Variants in GRIPAP1 observed in about 807,000 individuals in gnomAD.
The protein encoded by GRIPAP1 is GRIP1-associated protein 1.
In GRIPAP1, 14 loss-of-function variants were observed where a neutral mutation model predicts 84.1. The observed-to-expected ratio is 0.17, with a 90% confidence interval of 0.11 to 0.26. The LOEUF is 0.26. Among genes scored for constraint, GRIPAP1 ranks in the 10% least tolerant of loss-of-function variants. The probability of loss-of-function intolerance (pLI) is 1.00; values close to 1 mark genes in which losing one functional copy is unlikely to be tolerated. For synonymous variants in GRIPAP1, 261 were observed against 256.8 expected (o/e 1.02, Z -0.15); for missense variants, 518 against 674.2 (o/e 0.77, Z 2.57).
In GRIPAP1 at chrX:48,987,862, C is replaced by T; in HGVS notation, c.964G>A (p.Ala322Thr). 1 of 1,199,585 alleles carries T rather than the reference C, an allele frequency of 8.3e-7. No homozygotes were observed. Among genetic ancestry groups the T allele is most frequent in the Non-Finnish European group, 1.1e-6 (1 of 886,517 alleles). ...ALQDQVSIQS[A>T]DAQEQVEGLL... ...CCTTCCACTTGTTCCTGTGCATCTG[C>T]ACTCTGGATGGATACCTGGCCCCAC... Residue 322 changes from alanine to threonine, a missense_variant, in exon 13 of 26, where the codon GCA becomes ACA. Coordinates refer to ENST00000376423, the MANE Select transcript of GRIPAP1 (RefSeq NM_020137.5).
Position 48,994,937 on chromosome X carries a change from G to A in GRIPAP1, c.307-1359C>T, listed in dbSNP as rs955776475. ...GGCACACAGTAAGCACCATATAAATGTCAGCTATCACTACTAGTATTATTT... is the reference window on the plus strand; with the variant it reads ...GGCACACAGTAAGCACCATATAAATATCAGCTATCACTACTAGTATTATTT... On this transcript the variant is annotated intron_variant, in intron 5 of 25. Transcript: ENST00000376423. 5.4e-5 allele frequency among the ~76,000 whole-genome samples: 6 copies of A among 111,826 alleles called. No homozygotes were observed. In the Admixed American group the frequency reaches 5.7e-4, roughly 11 times the overall value.
chrX:48,979,886 T>C (rs1557061604), intron 21 of GRIPAP1, among the ~76,000 whole-genome samples: 1 of 111,378 alleles, frequency 9.0e-6, no homozygotes, highest in African/African-American at 3.3e-5. Flanking sequence ...AGTGCTGGGA[T>C]TACACCTTTC....
chrX:49,001,365 C>A (rs1265555892), intron 1 of GRIPAP1, among the ~76,000 whole-genome samples: 1 of 103,627 alleles, frequency 9.6e-6, no homozygotes, highest in East Asian at 3.1e-4. Context: ...GACCCCCCCC[C>A]CAGTGAGGAA....
chrX:48,981,361 T>C (rs1557062086), intron 20 of GRIPAP1, 47 bp from the exon 21 acceptor site: 2 of 1,198,940 alleles, frequency 1.7e-6, no homozygotes, highest in East Asian at 3.0e-5. Flanking sequence ...AGTGGGCCCA[T>C]AGGAGGGAGG....
At chrX:48,978,000 C>A in intron 22 of GRIPAP1, 1 of 209,688 alleles carries the variant, frequency 4.8e-6, no homozygotes. Flanking sequence ...GTGATCATTA[C>A]AAGTTGGAAA....
Position 48,997,355 on chromosome X carries a change from T to C in GRIPAP1, c.201A>G (p.Glu67=). Reference sequence around the variant, plus strand: ...CATTTTCACTCAGCAATACCTCGACTTCCTGCAGTGGCAGACAAGGGCCAG... The same window carrying C: ...CATTTTCACTCAGCAATACCTCGACCTCCTGCAGTGGCAGACAAGGGCCAG... ...KALSKSKKAQ[E]VEVLLSENEM... is the part of the protein sequence containing the mutation. The change falls in exon 5 of 26, where the codon GAA becomes GAG. Residue 67 remains glutamate, a splice_region_variant and synonymous_variant. Coordinates refer to ENST00000376423, the MANE Select transcript of GRIPAP1 (RefSeq NM_020137.5). The C allele has an allele frequency of 9.0e-7, 1 of 1,105,377 alleles. No homozygotes were observed. The highest frequency in any genetic ancestry group is 1.9e-5 in the South Asian group (1 of 51,964). 91.1% of individuals were successfully genotyped at this position (1,105,377 alleles called of 1,213,427 possible). A position where few individuals can be genotyped will look rare whatever the true frequency, so the allele number is the denominator to read the frequency against.
chrX:48,984,630 G>A (rs1328162953), intron 14 of GRIPAP1, among the ~76,000 whole-genome samples: 2 of 102,316 alleles, frequency 2.0e-5, no homozygotes, highest in East Asian at 3.0e-4. Context: ...CAGGAGAATC[G>A]CTTGAACCCA....
intron 21 of GRIPAP1, among the ~76,000 whole-genome samples, chrX:48,979,867 GC>G (rs782269950): frequency 9.0e-6 from 1 of 110,894 alleles, no homozygotes; most frequent in African/African-American, 3.3e-5. Flanking sequence ...ACCCACCTTG[GC>G]CTCCCAAAGT....
intron 17 of GRIPAP1, among the ~76,000 whole-genome samples, 200 bp from the exon 18 acceptor site, chrX:48,982,072 CATTTT>C (rs782366137): frequency 1.8e-5 from 2 of 112,860 alleles, no homozygotes; most frequent in Non-Finnish European, 3.7e-5. Context: ...TTTGCATTTA[CATTTT>C]ATTTTATTTA....
chrX:48,988,945 G>A (rs1557064701), intron 11 of GRIPAP1, among the ~76,000 whole-genome samples: 1 of 110,872 alleles, frequency 9.0e-6, no homozygotes, highest in East Asian at 2.8e-4. Flanking sequence ...GAAACCCAGA[G>A]GCTTCAGAAC....
intron 24 of GRIPAP1, 150 bp downstream of exon 24, chrX:48,975,868 T>C (rs1477385805): frequency 4.3e-6 from 2 of 465,206 alleles, no homozygotes; most frequent in Admixed American, 3.8e-5. Context: ...CAAGAGACAG[T>C]GCTTTCCTGT....
rs1557062053 is a variant in GRIPAP1, at chrX:48,981,306, G to A, written c.1839C>T (p.Asp613=). 8.3e-7 allele frequency: 1 copy of A among 1,209,607 alleles called. No homozygotes were observed. Among genetic ancestry groups the A allele is most frequent in the South Asian group, 1.8e-5 (1 of 56,478 alleles). The change falls in exon 21 of 26, where the codon GAC becomes GAT. Residue 613 remains aspartate (D), a synonymous_variant. Coordinates refer to ENST00000376423, the MANE Select transcript of GRIPAP1 (RefSeq NM_020137.5). ...GCTCCAAATGCAGCTGCCGCTTGAG[G>A]TCCTTGAGCTGTGGGGGACAGGGGT... ...LEKKGSAALK[D]LKRQLHLERK...
intron 21 of GRIPAP1, among the ~76,000 whole-genome samples, chrX:48,979,744 C>T (rs1240713145): frequency 1.1e-5 from 1 of 95,068 alleles, no homozygotes; most frequent in East Asian, 3.5e-4. Context: ...CCCGAAGTAG[C>T]TGGGATTACA....
intron 3 of GRIPAP1, among the ~76,000 whole-genome samples, chrX:48,998,565 C>T (rs781914885): frequency 1.8e-5 from 2 of 111,722 alleles, no homozygotes; most frequent in Non-Finnish European, 3.8e-5. Flanking sequence ...TCTGTGGGTC[C>T]CTCCCACGCA....
intron 3 of GRIPAP1, 94 bp from the exon 4 acceptor site, chrX:48,998,274 G>C: frequency 3.4e-6 from 2 of 582,747 alleles, no homozygotes; most frequent in Non-Finnish European, 5.7e-6. Flanking sequence ...GTTTTGGGAG[G>C]ACAAGGATGA....
chrX:48,975,073 C>T, intron 25 of GRIPAP1, 82 bp downstream of exon 25: 3 of 985,575 alleles, frequency 3.0e-6, no homozygotes, highest in Non-Finnish European at 4.2e-6. Flanking sequence ...GGCAAGGGGA[C>T]TGGCAGATGA....
chrX:48,978,139 T>C, intron 22 of GRIPAP1, 166 bp downstream of exon 22: 2 of 470,522 alleles, frequency 4.3e-6, no homozygotes, highest in Admixed American at 3.7e-5. Context: ...CTGTCCTGCA[T>C]GTCGCAATCT....
intron 14 of GRIPAP1, among the ~76,000 whole-genome samples, chrX:48,984,793 C>A (rs782741274): frequency 3.9e-5 from 4 of 102,123 alleles, no homozygotes; most frequent in Non-Finnish European, 7.8e-5. Context: ...GAGGCCGAGG[C>A]GGGCAGATCA....
At position 48,974,135 on chromosome X, in the gene GRIPAP1, A is replaced by T; in HGVS notation, c.*58T>A. The T allele has an allele frequency of 1.2e-6, 1 of 816,229 alleles. No homozygotes were observed. Among genetic ancestry groups the T allele is most frequent in the Non-Finnish European group, 1.8e-6 (1 of 548,370 alleles). The allele number at this position is 816,229 out of a possible 1,213,427, so 67.3% of individuals were successfully genotyped here. A position where few individuals can be genotyped will look rare whatever the true frequency, so the allele number is the denominator to read the frequency against. ...AGCCCTCATTTTTCCACCACAGCCC[A>T]AGGGAATAGCATCCTAGGGGGTAGG... is the stretch of plus-strand genomic sequence containing the variant. On this transcript the variant is annotated 3_prime_UTR_variant, in exon 26 of 26. Transcript: ENST00000376423.
Sources: allele counts gnomAD v4.1 joint callset (sites outside exome capture counted in the v4.1 genomes callset), GRCh38; gene constraint gnomAD v4.1.1; transcripts MANE v1.5; gene names NCBI Gene and HGNC (gene_info 2026-07-23, HGNC 2026-07-21).